Variants in MINDY2 observed in about 807,000 individuals in gnomAD.
The protein encoded by MINDY2 is ubiquitin carboxyl-terminal hydrolase MINDY-2.
A neutral mutation model predicts 68.2 loss-of-function variants in MINDY2; 52 were observed. The ratio of observed to expected loss-of-function variants is 0.76; its 90% CI spans 0.61 to 0.96. The LOEUF is 0.96. MINDY2 is among the 40% of genes least tolerant of loss of function. MINDY2 has a pLI of 0.00. For synonymous variants in MINDY2, 372 were observed against 303.0 expected, an observed-to-expected ratio of 1.23 and a Z score of -2.36; for missense variants, 881 against 773.4, an observed-to-expected ratio of 1.14 and a Z score of -1.65.
intron 2 of MINDY2, among the ~76,000 whole-genome samples, chr15:58,790,942 G>A (rs991493563): frequency 1.3e-5 from 2 of 152,030 alleles, no homozygotes; most frequent in South Asian, 2.1e-4. Flanking sequence ...CAGTTTGGGA[G>A]GCCGAGGCAG....
chr15:58,821,839 T>A lies in MINDY2; in HGVS notation c.1225+20T>A. The A allele has an allele frequency of 6.7e-7, 1 of 1,503,752 alleles. No individual in the cohort carries two copies. The highest frequency in any genetic ancestry group is 9.0e-7 in the Non-Finnish European group (1 of 1,107,414). The allele number at this position is 1,503,752 out of a possible 1,614,324, so 93.2% of individuals were successfully genotyped here. A position where few individuals can be genotyped will look rare whatever the true frequency, so the allele number is the denominator to read the frequency against. On this transcript the variant is annotated intron_variant, in intron 5 of 8. Transcript: ENST00000559228. ...GTGAAGGTGGGTGAGTGCTGCTATT[T>A]CCTGACTTTTGAAATTCTTGGCAAG...
chr15:58,798,456 A>G (rs1314768015), intron 2 of MINDY2, among the ~76,000 whole-genome samples: 2 of 118,090 alleles, frequency 1.7e-5, no homozygotes. Flanking sequence ...CAGTAAAAAA[A>G]AATTTTTTTT....
At chr15:58,801,286 T>C (rs1439327346) in intron 2 of MINDY2, among the ~76,000 whole-genome samples, 1 of 149,874 alleles carries the variant, frequency 6.7e-6, no homozygotes, top group Non-Finnish European at 1.5e-5. Flanking sequence ...GTTTAGCTTT[T>C]ACAGTTCAAT....
chr15:58,787,956 A>G lies in MINDY2; in HGVS notation c.891A>G (p.Glu297=). ...TCATAACTGCTGAGCAGCTGATGGAATATTTAGGTTAGTGTTGAAAAGTGG... is the reference window on the plus strand; with the variant it reads ...TCATAACTGCTGAGCAGCTGATGGAGTATTTAGGTTAGTGTTGAAAAGTGG... ...MEIITAEQLM[E]YLGDYMLDAK... Residue 297 remains glutamate, a synonymous_variant, in exon 2 of 9, where the codon GAA becomes GAG. Transcript: ENST00000559228. 6.3e-7 allele frequency: 1 copy of G among 1,586,474 alleles called. No individual in the cohort carries two copies. Among genetic ancestry groups the G allele is most frequent in the Non-Finnish European group, 8.6e-7 (1 of 1,168,214 alleles).
intron 6 of MINDY2, among the ~76,000 whole-genome samples, chr15:58,834,721 G>C (rs2031910851): frequency 6.6e-6 from 1 of 152,128 alleles, no homozygotes. Context: ...CTAAATGAAA[G>C]TGGCTTATTA....
At chr15:58,819,465 G>A (rs116134859) in intron 4 of MINDY2, among the ~76,000 whole-genome samples, 2,937 of 152,122 alleles carry the variant, frequency 0.019, 94 homozygotes, top group African/African-American at 0.064. Flanking sequence ...GCACTCCAGC[G>A]TGGGTGACAG....
intron 6 of MINDY2, among the ~76,000 whole-genome samples, chr15:58,836,468 G>T (rs2031998599): frequency 6.6e-6 from 1 of 151,824 alleles, no homozygotes; most frequent in Non-Finnish European, 1.5e-5. Flanking sequence ...TGTTCTTCAG[G>T]GATCCTATGG....
At chr15:58,841,540 G>T (rs2032286342) in intron 6 of MINDY2, among the ~76,000 whole-genome samples, 1 of 151,598 alleles carries the variant, frequency 6.6e-6, no homozygotes, top group Admixed American at 6.6e-5. Context: ...CAAGTAGCTG[G>T]GATTACAGGT....
chr15:58,823,483 G>A (rs2031200678), intron 5 of MINDY2, among the ~76,000 whole-genome samples: 1 of 151,846 alleles, frequency 6.6e-6, no homozygotes, highest in South Asian at 2.1e-4. Context: ...AGACTAGCCT[G>A]GGCAATGTAG....
At chr15:58,805,380 A>C (rs1021010826) in intron 3 of MINDY2, among the ~76,000 whole-genome samples, 3 of 152,214 alleles carry the variant, frequency 2.0e-5, no homozygotes, top group Admixed American at 1.3e-4. Context: ...CAATATTCCC[A>C]TTTAAAACTC....
intron 6 of MINDY2, among the ~76,000 whole-genome samples, chr15:58,846,231 G>T (rs2032527912): frequency 6.6e-6 from 1 of 152,090 alleles, no homozygotes; most frequent in African/African-American, 2.4e-5. Context: ...AACACAAACA[G>T]TAAATGTTTG....
chr15:58,805,814 G>A (rs1158449540), intron 3 of MINDY2, among the ~76,000 whole-genome samples: 3 of 152,170 alleles, frequency 2.0e-5, no homozygotes, highest in African/African-American at 7.2e-5. Flanking sequence ...AGTGGCACAT[G>A]CCTGTAATCC....
At chr15:58,814,553 A>AT (rs769262523) in intron 4 of MINDY2, among the ~76,000 whole-genome samples, 11 of 151,538 alleles carry the variant, frequency 7.3e-5, no homozygotes, top group Non-Finnish European at 1.3e-4. Context: ...TCACTTTTTA[A>AT]TTTTTTGTAG....
At position 58,856,026 on chromosome 15, in the gene MINDY2, T is replaced by A. The variant is rs1193533070; in HGVS notation, c.*1416T>A. On this transcript the variant is annotated 3_prime_UTR_variant, in exon 9 of 9. Transcript: ENST00000559228. ...ATAACCTCATAGTGTTTATAAGAAC[T>A]CAGAAATAATATTTATTTAACTTTA... is the stretch of plus-strand genomic sequence containing the variant. 1 of 152,660 alleles carries A rather than the reference T, an allele frequency of 6.6e-6. No individual in the cohort carries two copies. Among genetic ancestry groups the A allele is most frequent in the African/African-American group, 2.4e-5 (1 of 41,466 alleles). 9.5% of individuals were successfully genotyped at this position (152,660 alleles called of 1,614,324 possible).
intron 2 of MINDY2, among the ~76,000 whole-genome samples, chr15:58,799,660 C>T: frequency 6.6e-6 from 1 of 151,614 alleles, no homozygotes; most frequent in East Asian, 1.9e-4. Flanking sequence ...AGCTGAAGTA[C>T]CCCAAGGAAA....
intron 6 of MINDY2, among the ~76,000 whole-genome samples, chr15:58,834,874 A>AGCT (rs1250526468): frequency 3.3e-5 from 5 of 152,262 alleles, no homozygotes; most frequent in Non-Finnish European, 4.4e-5. Context: ...TTATAGCAAC[A>AGCT]GCTCATTTGT....
intron 4 of MINDY2, 37 bp from the exon 5 acceptor site, chr15:58,821,680 C>A: frequency 1.5e-6 from 2 of 1,315,758 alleles, no homozygotes; most frequent in Non-Finnish European, 2.1e-6. Flanking sequence ...TGTTCCTAAT[C>A]TTACCATGAT....
chr15:58,844,791 C>T (rs1351486382), intron 6 of MINDY2, among the ~76,000 whole-genome samples: 4 of 149,704 alleles, frequency 2.7e-5, no homozygotes, highest in African/African-American at 7.4e-5. Context: ...GTGGTGTGCT[C>T]CTATAGTTGC....
rs2033087577 is a variant in MINDY2 at position 58,857,205 on chromosome 15, TAAAA to T, written c.*2596_*2599del. ...GGAAAGATGAAATGTTCAATTGTAT[TAAAA>T]CAAACAAGCTTTTCAGAGATACTGG... On this transcript the variant is annotated 3_prime_UTR_variant, in exon 9 of 9. Transcript: ENST00000559228. The T allele has an allele frequency of 6.6e-6, 1 of 152,160 alleles. No individual in the cohort carries two copies. The highest frequency in any genetic ancestry group is 2.4e-5 in the African/African-American group (1 of 41,434). 9.4% of individuals were successfully genotyped at this position (152,160 alleles called of 1,614,324 possible).
Sources: allele counts gnomAD v4.1 joint callset (sites outside exome capture counted in the v4.1 genomes callset), GRCh38; gene constraint gnomAD v4.1.1; transcripts MANE v1.5; gene names NCBI Gene and HGNC (gene_info 2026-07-23, HGNC 2026-07-21).